FCGR2A: variants seen among roughly 807,000 people sequenced by gnomAD.
FCGR2A encodes low affinity immunoglobulin gamma Fc region receptor II-a.
In FCGR2A, 18 loss-of-function variants were observed where a neutral mutation model predicts 29.3. That is an observed-to-expected ratio of 0.62 (90% confidence interval 0.43 to 0.91). The LOEUF is 0.91. Ranked by LOEUF, FCGR2A falls within the 40% of genes least tolerant of loss-of-function variation. The pLI, the probability that FCGR2A is intolerant of heterozygous loss-of-function variation, is 0.00. For synonymous variants in FCGR2A, 126 were observed against 144.8 expected (o/e 0.87, Z 0.93); for missense variants, 287 against 393.0 (o/e 0.73, Z 2.28).
At position 161,512,112 on chromosome 1, in the gene FCGR2A, A is replaced by C. The variant is rs534283794; in HGVS notation, c.742+1156A>C. On this transcript the variant is annotated intron_variant, in intron 5 of 6. Transcript: ENST00000271450. ...GGTGATATTTCCAGAGCAAGAAATC[A>C]GAGATACTTTGGTCTTTCTGTGGAG... Among the ~76,000 whole-genome samples the C allele has an allele frequency of 2.6e-5, 4 of 152,280 alleles. No homozygotes were observed. The South Asian group carries it at 8.3e-4, about 32-fold the overall frequency.
chr1:161,513,737 G>T (rs1675963924), intron 5 of FCGR2A, among the ~76,000 whole-genome samples, 158 bp from the exon 6 acceptor site: 1 of 152,240 alleles, frequency 6.6e-6, no homozygotes, highest in East Asian at 1.9e-4. Context: ...GTGGGTACAT[G>T]AGGCCATATT....
downstream of FCGR2A, chr1:161,523,877 C>G (rs976184371): frequency 6.6e-6 from 1 of 151,982 alleles, no homozygotes; most frequent in Admixed American, 6.6e-5. Context: ...CCCGGGCCTC[C>G]CGCGTGGCAG....
intron 5 of FCGR2A, among the ~76,000 whole-genome samples, chr1:161,511,483 CAG>C (rs1163528460): frequency 3.3e-5 from 5 of 152,188 alleles, no homozygotes; most frequent in African/African-American, 9.7e-5. Flanking sequence ...CTGTGAGACA[CAG>C]GGGTGTTTTT....
intron 2 of FCGR2A, 147 bp from the exon 3 acceptor site, chr1:161,506,187 C>G: frequency 7.7e-7 from 1 of 1,303,276 alleles, no homozygotes; most frequent in Non-Finnish European, 1.1e-6. Flanking sequence ...ACTGAAGACC[C>G]AAGGGAATGA....
intron 2 of FCGR2A, 120 bp downstream of exon 2, chr1:161,506,127 A>G: frequency 7.7e-7 from 1 of 1,299,442 alleles, no homozygotes; most frequent in Non-Finnish European, 1.1e-6. Context: ...TGGGTTCAGC[A>G]TGGGCAGTTC....
At chr1:161,514,513 G>A (rs1676024053) in intron 6 of FCGR2A, 1 of 172,116 alleles carries the variant, frequency 5.8e-6, no homozygotes, top group Non-Finnish European at 1.2e-5. Context: ...CTCCCCCAAA[G>A]ATCCCTAAGA....
Position 161,519,748 on chromosome 1 carries a change from C to A in FCGR2A, c.*1600C>A, listed in dbSNP as rs1676373099. ...CCTCTTCTTAGAACTGAATACTCTTCTTCTAATGAACTTGTATTCTTGTTT... is the reference window on the plus strand; with the variant it reads ...CCTCTTCTTAGAACTGAATACTCTTATTCTAATGAACTTGTATTCTTGTTT... On this transcript the variant is annotated 3_prime_UTR_variant, in exon 7 of 7. Coordinates refer to ENST00000271450, the MANE Select transcript of FCGR2A (RefSeq NM_001136219.3). 6.6e-6 allele frequency: 1 copy of A among 152,002 alleles called. No homozygotes were observed. Among genetic ancestry groups the A allele is most frequent in the Non-Finnish European group, 1.5e-5 (1 of 67,980 alleles). 9.4% of individuals were successfully genotyped at this position (152,002 alleles called of 1,614,324 possible).
intron 3 of FCGR2A, 181 bp downstream of exon 3, chr1:161,506,772 G>A: frequency 8.3e-7 from 1 of 1,211,144 alleles, no homozygotes; most frequent in Non-Finnish European, 1.1e-6. Flanking sequence ...GTGGGGGAAG[G>A]GGGAATTTCT....
chr1:161,511,564 G>A (rs1413493138), intron 5 of FCGR2A, among the ~76,000 whole-genome samples: 4 of 152,150 alleles, frequency 2.6e-5, no homozygotes, highest in Non-Finnish European at 4.4e-5. Context: ...CGTCCCCATG[G>A]GTGAGCTGAA....
At chr1:161,507,459 TATA>T (rs1675489561) in intron 3 of FCGR2A, among the ~76,000 whole-genome samples, 1 of 152,202 alleles carries the variant, frequency 6.6e-6, no homozygotes, top group Non-Finnish European at 1.5e-5. Flanking sequence ...TGTCTGAAAA[TATA>T]AGCACATTTC....
In FCGR2A at chr1:161,513,939, A is replaced by T. The variant is rs1258840130; in HGVS notation, c.780+7A>T. On this transcript the variant is annotated splice_region_variant and intron_variant, in intron 6 of 6. Coordinates refer to ENST00000271450, the MANE Select transcript of FCGR2A (RefSeq NM_001136219.3). ...GAAGGCTGCCCAATTTGAGGTGAGT[A>T]ATCCCAGCCATCTCCTTTTCCTCCT... 6.2e-7 allele frequency: 1 copy of T among 1,614,108 alleles called. No homozygotes were observed. Among genetic ancestry groups the T allele is most frequent in the East Asian group, 2.2e-5 (1 of 44,900 alleles).
intron 3 of FCGR2A, among the ~76,000 whole-genome samples, chr1:161,508,676 C>G (rs775345030): frequency 6.6e-6 from 1 of 151,192 alleles, no homozygotes; most frequent in African/African-American, 2.4e-5. Context: ...TCCTATGATA[C>G]AGCAATTTGA....
chr1:161,506,255 CCT>C (rs1420699597), intron 2 of FCGR2A, 77 bp from the exon 3 acceptor site: 62 of 1,566,886 alleles, frequency 4.0e-5, no homozygotes, highest in Non-Finnish European at 5.0e-5. Flanking sequence ...GGGTGCCTGA[CCT>C]CCCTTGGGAG....
chr1:161,509,690 C>A, intron 3 of FCGR2A, 130 bp from the exon 4 acceptor site: 2 of 1,222,682 alleles, frequency 1.6e-6, no homozygotes, highest in Non-Finnish European at 2.3e-6. Flanking sequence ...ATGCTCACAT[C>A]TGTCATGAAG....
chr1:161,523,156 A>C (rs1380306370), downstream of FCGR2A: 2 of 152,278 alleles, frequency 1.3e-5, no homozygotes, highest in Admixed American at 1.3e-4. Context: ...CCTTGTTACT[A>C]TAGTGGTGAG....
chr1:161,506,568 C>T lies in FCGR2A; in HGVS notation c.341C>T (p.Pro114Leu), dbSNP rs372790116. 6.2e-7 allele frequency: 1 copy of T among 1,614,170 alleles called. No individual in the cohort carries two copies. Residue 114 changes from proline (P) to leucine (L), a missense_variant, in exon 3 of 7, where the codon CCT (proline) becomes CTT (leucine). Transcript: ENST00000271450. ...CQTGQTSLSD[P>L]VHLTVLSEWL... ...ACTGGCCAGACCAGCCTCAGCGACC[C>T]TGTGCATCTGACTGTGCTTTCCGGT...
chr1:161,516,290 C>A (rs1036995780), intron 6 of FCGR2A, among the ~76,000 whole-genome samples: 8 of 152,026 alleles, frequency 5.3e-5, no homozygotes, highest in African/African-American at 1.9e-4. Flanking sequence ...TTATCTTTTT[C>A]TCTCTACCTG....
Position 161,517,994 on chromosome 1 carries a change from T to C in FCGR2A, c.800T>C (p.Ile267Thr). 2 of 1,613,844 alleles carry C rather than the reference T, an allele frequency of 1.2e-6. No homozygotes were observed. The highest frequency in any genetic ancestry group is 1.7e-6 in the Non-Finnish European group (2 of 1,179,802). ...AQFEPPGRQM[I>T]AIRKRQLEET... ...CTGCAGCCACCTGGACGTCAAATGA[T>C]TGCCATCAGAAAGAGACAACTTGAA... is the stretch of plus-strand genomic sequence containing the variant. Residue 267 changes from isoleucine to threonine, a missense_variant, in exon 7 of 7, where the codon ATT becomes ACT. Around this residue, in one of 3 missense-constraint regions of FCGR2A, gnomAD observed 34 missense variants for 73.5 expected, o/e 0.46. Transcript: ENST00000271450.
At chr1:161,511,087 G>A in intron 5 of FCGR2A, 131 bp downstream of exon 5, 1 of 1,390,082 alleles carries the variant, frequency 7.2e-7, no homozygotes, top group Non-Finnish European at 1.0e-6. Context: ...TTATTTATTA[G>A]TTCATTTATT....
Sources: gnomAD v4.1 joint callset for allele counts (sites outside exome capture counted in the v4.1 genomes callset) on GRCh38, gnomAD v4.1.1 for gene constraint, gnomAD v4.1.1 regional missense constraint, MANE v1.5 for transcripts, NCBI Gene and HGNC (gene_info 2026-07-23, HGNC 2026-07-21) for gene names.